Variants in PDE10A observed in about 807,000 individuals in gnomAD.
PDE10A encodes the protein cAMP and cAMP-inhibited cGMP 3',5'-cyclic phosphodiesterase 10A.
In PDE10A, 39 loss-of-function variants were observed where a neutral mutation model predicts 97.7. The observed-to-expected ratio is 0.40, with a 90% CI of 0.31 to 0.52. The LOEUF (loss-of-function observed/expected upper bound fraction) is 0.52. Ranked by LOEUF, PDE10A falls within the 20% of genes least tolerant of loss-of-function variation. The pLI, the probability that PDE10A is intolerant of heterozygous loss-of-function variation, is 0.56. For missense variants in PDE10A, 731 were observed against 1,047.8 expected (o/e 0.70, Z 4.17); for synonymous variants, 371 against 376.8 (o/e 0.98, Z 0.18).
At chr6:165,568,528 C>T (rs1461068901) in intron 1 of PDE10A, among the ~76,000 whole-genome samples, 1 of 152,172 alleles carries the variant, frequency 6.6e-6, no homozygotes, top group Non-Finnish European at 1.5e-5. Flanking sequence ...CTTTGTCCAG[C>T]GTCTCCATGC....
intron 18 of PDE10A, among the ~76,000 whole-genome samples, chr6:165,344,719 T>C (rs552695322): frequency 1.3e-5 from 2 of 152,332 alleles, no homozygotes; most frequent in Admixed American, 1.3e-4. Flanking sequence ...CAGAGTTCTT[T>C]ATTTCCTGTC....
intron 1 of PDE10A, among the ~76,000 whole-genome samples, chr6:165,653,405 A>G (rs10214709): frequency 6.6e-6 from 1 of 152,030 alleles, no homozygotes; most frequent in Non-Finnish European, 1.5e-5. Context: ...AGATGCAGGG[A>G]AAAAGGGTTC....
At chr6:165,520,387 C>T (rs778446495) in intron 2 of PDE10A, among the ~76,000 whole-genome samples, 12 of 152,116 alleles carry the variant, frequency 7.9e-5, no homozygotes, top group Non-Finnish European at 1.3e-4. Flanking sequence ...CCATAGAGAA[C>T]GCTCTTGACA....
chr6:165,407,290 GCA>G (rs1787267954), intron 13 of PDE10A, among the ~76,000 whole-genome samples: 1 of 152,128 alleles, frequency 6.6e-6, no homozygotes, highest in Non-Finnish European at 1.5e-5. Flanking sequence ...CACTTAGCGA[GCA>G]CGGGGACCAG....
chr6:165,766,500 AC>A (rs753347204), intron 1 of PDE10A, among the ~76,000 whole-genome samples: 3 of 152,238 alleles, frequency 2.0e-5, no homozygotes, highest in Non-Finnish European at 2.9e-5. Flanking sequence ...TGAACTGGAA[AC>A]CCTATCAGAG....
chr6:165,575,104 C>A (rs1436926790), intron 1 of PDE10A, among the ~76,000 whole-genome samples: 1 of 152,162 alleles, frequency 6.6e-6, no homozygotes, highest in African/African-American at 2.4e-5. Context: ...ATTAACTTTG[C>A]CTCACCTCAT....
At chr6:165,570,652 C>T (rs1301087858) in intron 1 of PDE10A, among the ~76,000 whole-genome samples, 1 of 152,176 alleles carries the variant, frequency 6.6e-6, no homozygotes, top group African/African-American at 2.4e-5. Flanking sequence ...AAGGGTCTGT[C>T]AGAAAATCAA....
At chr6:165,935,238 T>G (rs1783284938) in intron 1 of PDE10A, among the ~76,000 whole-genome samples, 1 of 152,146 alleles carries the variant, frequency 6.6e-6, no homozygotes, top group Non-Finnish European at 1.5e-5. Context: ...CTTTGAAGAA[T>G]GAGAAGACTC....
intron 1 of PDE10A, among the ~76,000 whole-genome samples, chr6:165,902,396 A>G (rs1782137873): frequency 6.6e-6 from 1 of 152,234 alleles, no homozygotes; most frequent in Admixed American, 6.5e-5. Context: ...ATTCAAGGTC[A>G]AATGATCAGC....
At chr6:165,726,618 C>T (rs1179884320) in intron 1 of PDE10A, among the ~76,000 whole-genome samples, 25 of 152,166 alleles carry the variant, frequency 1.6e-4, no homozygotes. Flanking sequence ...CGCCTTCCGA[C>T]GGGCCTGGGC....
intron 18 of PDE10A, among the ~76,000 whole-genome samples, chr6:165,347,403 TTCTAAAA>T (rs1286204160): frequency 6.6e-6 from 1 of 152,160 alleles, no homozygotes; most frequent in African/African-American, 2.4e-5. Flanking sequence ...TAAATTTAAG[TTCTAAAA>T]TCTTAATAAA....
Position 165,756,249 on chromosome 6 carries a change from CAGAA to C in PDE10A, c.-614-212685_-614-212682del, listed in dbSNP as rs200480497. On this transcript the variant is annotated intron_variant, in intron 1 of 19. Coordinates refer to the PDE10A transcript ENST00000366882. ...GTCCTTCTGAGAAGATGGAGGTTTCCAGAAAGACTTTTCTCCTATTAATTTCCTA... is the reference window on the plus strand; with the variant it reads ...GTCCTTCTGAGAAGATGGAGGTTTCCAGACTTTTCTCCTATTAATTTCCTA... Among the ~76,000 whole-genome samples, 1,081 of 152,202 alleles carry C rather than the reference CAGAA, an allele frequency of 7.1e-3. 11 individuals are homozygous for C. Among genetic ancestry groups the C allele is most frequent in the African/African-American group, 0.025 (1,028 of 41,544 alleles).
chr6:165,764,636 G>C (rs1441143743), intron 1 of PDE10A, among the ~76,000 whole-genome samples: 1 of 152,134 alleles, frequency 6.6e-6, no homozygotes, highest in African/African-American at 2.4e-5. Context: ...AGCTTTTAAG[G>C]CGACGCGTCT....
intron 3 of PDE10A, among the ~76,000 whole-genome samples, chr6:165,480,628 A>C (rs1261666694): frequency 6.6e-6 from 1 of 152,106 alleles, no homozygotes; most frequent in Admixed American, 6.6e-5. Context: ...GGGAAAGAAA[A>C]AACAAAACCA....
At chr6:165,556,284 T>C (rs973121578) in intron 1 of PDE10A, among the ~76,000 whole-genome samples, 4 of 152,074 alleles carry the variant, frequency 2.6e-5, no homozygotes, top group African/African-American at 9.7e-5. Flanking sequence ...TTAAGGCAAA[T>C]ATTCAACCTT....
rs1011239399 is a variant in PDE10A, at chr6:165,469,022, A to C, written c.1023+13293T>G. Among the ~76,000 whole-genome samples, 85 of 152,204 alleles carry C rather than the reference A, an allele frequency of 5.6e-4. 4 individuals carry two copies. Among genetic ancestry groups the C allele is most frequent in the Non-Finnish European group, 1.5e-5 (1 of 68,036 alleles). ...CAGGTGGTAATTTAAGGTCTTGCGA[A>C]AGAGGAATGTGTTTAGTTCCCACTT... On this transcript the variant is annotated intron_variant, in intron 3 of 21. Coordinates refer to ENST00000539869, the MANE Select transcript of PDE10A (RefSeq NM_001385079.1).
At chr6:165,379,423 G>A (rs1384296922) in intron 17 of PDE10A, 57 bp from the exon 18 acceptor site, 2 of 1,352,726 alleles carry the variant, frequency 1.5e-6, no homozygotes, top group Non-Finnish European at 2.1e-6. Flanking sequence ...CTAATCTTAT[G>A]ACATTTTTAG....
chr6:165,702,686 C>T (rs1791609792), intron 1 of PDE10A, among the ~76,000 whole-genome samples: 1 of 152,208 alleles, frequency 6.6e-6, no homozygotes, highest in South Asian at 2.1e-4. Context: ...CAGAAAAAGA[C>T]AAAGACCCCA....
intron 20 of PDE10A, among the ~76,000 whole-genome samples, chr6:165,338,727 A>T (rs1217022403): frequency 6.6e-6 from 1 of 152,182 alleles, no homozygotes; most frequent in African/African-American, 2.4e-5. Flanking sequence ...CACCCCCTCT[A>T]TTTCAAGTCA....
Sources: gnomAD v4.1 joint callset for allele counts (sites outside exome capture counted in the v4.1 genomes callset) on GRCh38, gnomAD v4.1.1 for gene constraint, MANE v1.5 for transcripts, NCBI Gene and HGNC (gene_info 2026-07-23, HGNC 2026-07-21) for gene names.